Variants in MACROD2 observed in about 807,000 individuals in gnomAD.
The protein encoded by MACROD2 is ADP-ribose glycohydrolase MACROD2.
In MACROD2, 36 loss-of-function variants were observed where a neutral mutation model predicts 70.4. The observed-to-expected ratio is 0.51, with a 90% CI of 0.39 to 0.68. The LOEUF is 0.68. Among genes scored for constraint, MACROD2 ranks in the 30% least tolerant of loss-of-function variants. The pLI is 0.00. For synonymous variants in MACROD2, 172 were observed against 178.8 expected (o/e 0.96, Z 0.30); for missense variants, 496 against 538.4 (o/e 0.92, Z 0.78).
chr20:15,568,654 G>A (rs2048339718), intron 8 of MACROD2, among the ~76,000 whole-genome samples: 1 of 152,116 alleles, frequency 6.6e-6, no homozygotes. Flanking sequence ...AGTTCCAAAT[G>A]AACTGCAAGA....
chr20:15,079,874 GTCATTAACA>G (rs2075689358), intron 5 of MACROD2, among the ~76,000 whole-genome samples: 1 of 151,896 alleles, frequency 6.6e-6, no homozygotes, highest in Admixed American at 6.6e-5. Flanking sequence ...CACTTCCTCA[GTCATTAACA>G]TCATTAGCAT....
intron 5 of MACROD2, among the ~76,000 whole-genome samples, chr20:15,006,444 G>C (rs1355027881): frequency 6.6e-6 from 1 of 151,882 alleles, no homozygotes; most frequent in Non-Finnish European, 1.5e-5. Context: ...GGTGACTATA[G>C]TTAATACATT....
intron 8 of MACROD2, among the ~76,000 whole-genome samples, chr20:15,743,620 A>C (rs1311721220): frequency 1.3e-5 from 2 of 152,096 alleles, no homozygotes; most frequent in Non-Finnish European, 2.9e-5. Context: ...GATCCCTGAA[A>C]AATCTCTGGG....
intron 5 of MACROD2, among the ~76,000 whole-genome samples, chr20:14,928,113 A>G (rs1175444147): frequency 1.3e-5 from 2 of 152,248 alleles, no homozygotes; most frequent in Non-Finnish European, 2.9e-5. Flanking sequence ...TAAACTCTGA[A>G]CAGACACATT....
chr20:14,809,025 C>T (rs113809222), intron 5 of MACROD2, among the ~76,000 whole-genome samples: 13 of 151,848 alleles, frequency 8.6e-5, no homozygotes, highest in African/African-American at 1.9e-4. Flanking sequence ...ATTAGATCAA[C>T]GAGACAGAAA....
chr20:14,053,999 A>T (rs529069470), intron 2 of MACROD2, among the ~76,000 whole-genome samples: 3 of 152,042 alleles, frequency 2.0e-5, no homozygotes, highest in Non-Finnish European at 4.4e-5. Flanking sequence ...GAGTGTAACT[A>T]TGTTATATAG....
At chr20:15,173,225 T>C (rs2076436148) in intron 5 of MACROD2, among the ~76,000 whole-genome samples, 1 of 152,178 alleles carries the variant, frequency 6.6e-6, no homozygotes, top group African/African-American at 2.4e-5. Flanking sequence ...ATTTTGCACA[T>C]TGTTTCTAAA....
At position 14,520,999 on chromosome 20, in the gene MACROD2, T is replaced by A. The variant is rs543376133; in HGVS notation, c.301+27491T>A. On this transcript the variant is annotated intron_variant, in intron 4 of 17. Transcript: ENST00000684519. Reference sequence around the variant, plus strand: ...CGCACACACACACCCCCCAAATAGGTTTTCTTGAAGTTTTACAGAAAATTC... The same window carrying A: ...CGCACACACACACCCCCCAAATAGGATTTCTTGAAGTTTTACAGAAAATTC... Among the ~76,000 whole-genome samples the A allele has an allele frequency of 6.6e-5, 10 of 151,358 alleles. No individual in the cohort carries two copies. In the South Asian group the frequency reaches 2.1e-3, roughly 32 times the overall value.
At chr20:15,134,832 A>G (rs1275371448) in intron 5 of MACROD2, among the ~76,000 whole-genome samples, 1 of 152,146 alleles carries the variant, frequency 6.6e-6, no homozygotes, top group Non-Finnish European at 1.5e-5. Context: ...AAGACTAATA[A>G]AAAAAGAGAG....
At chr20:14,340,992 A>G (rs1292357547) in intron 3 of MACROD2, among the ~76,000 whole-genome samples, 1 of 152,242 alleles carries the variant, frequency 6.6e-6, no homozygotes, top group African/African-American at 2.4e-5. Context: ...ACATACACAC[A>G]GAAGCCTCAA....
chr20:14,074,667 G>A (rs539157411), intron 2 of MACROD2, among the ~76,000 whole-genome samples: 1 of 152,062 alleles, frequency 6.6e-6, no homozygotes, highest in African/African-American at 2.4e-5. Context: ...ACTCTGTGAG[G>A]TCTCCCTGTT....
intron 5 of MACROD2, among the ~76,000 whole-genome samples, chr20:15,109,533 G>A (rs961601054): frequency 2.6e-5 from 4 of 152,110 alleles, no homozygotes; most frequent in Non-Finnish European, 5.9e-5. Flanking sequence ...AAGAAAAGAC[G>A]ATTGCAAACA....
At chr20:16,034,117 A>G (rs1194955244) in intron 15 of MACROD2, among the ~76,000 whole-genome samples, 1 of 152,082 alleles carries the variant, frequency 6.6e-6, no homozygotes, top group African/African-American at 2.4e-5. Flanking sequence ...TACTACAGCT[A>G]TGTGAATGAA....
chr20:14,456,710 G>GAT, intron 3 of MACROD2, among the ~76,000 whole-genome samples: 3 of 127,648 alleles, frequency 2.4e-5, no homozygotes, highest in East Asian at 2.7e-4. Flanking sequence ...TAAGACTCAG[G>GAT]ATCTTTTTTT....
chr20:14,432,655 G>C (rs2084007705), intron 3 of MACROD2, among the ~76,000 whole-genome samples: 2 of 152,136 alleles, frequency 1.3e-5, no homozygotes, highest in African/African-American at 4.8e-5. Flanking sequence ...TTGAAGGCCA[G>C]TTACTAAAAA....
At chr20:15,871,027 T>C (rs1166061062) in intron 9 of MACROD2, among the ~76,000 whole-genome samples, 1 of 151,448 alleles carries the variant, frequency 6.6e-6, no homozygotes, top group East Asian at 1.9e-4. Context: ...AATACAAAAA[T>C]TGGCCAGGCG....
At chr20:15,999,972 C>A (rs1168695074) in intron 15 of MACROD2, among the ~76,000 whole-genome samples, 1 of 152,196 alleles carries the variant, frequency 6.6e-6, no homozygotes, top group Non-Finnish European at 1.5e-5. Context: ...TTTGATTCAT[C>A]ATTGATTCCT....
intron 5 of MACROD2, among the ~76,000 whole-genome samples, chr20:14,992,047 A>G (rs1054240989): frequency 1.3e-5 from 2 of 152,192 alleles, no homozygotes; most frequent in African/African-American, 2.4e-5. Flanking sequence ...TAACGCATAT[A>G]TGTACACATA....
intron 8 of MACROD2, among the ~76,000 whole-genome samples, chr20:15,821,257 T>C (rs1284324322): frequency 6.6e-6 from 1 of 152,166 alleles, no homozygotes; most frequent in Non-Finnish European, 1.5e-5. Context: ...ATTTTACTAT[T>C]TTATTTAAAA....
Sources: gnomAD v4.1 joint callset for allele counts (sites outside exome capture counted in the v4.1 genomes callset) on GRCh38, gnomAD v4.1.1 for gene constraint, MANE v1.5 for transcripts, NCBI Gene and HGNC (gene_info 2026-07-23, HGNC 2026-07-21) for gene names.